The following C3orf62 variants were observed in gnomAD, a reference collection of about 807,000 sequenced individuals.
The protein encoded by C3orf62 is chromosome 3 open reading frame 62.
Under a neutral mutation model 21.7 loss-of-function variants are expected in C3orf62, and 16 were observed. The ratio of observed to expected loss-of-function variants is 0.74; its 90% confidence interval spans 0.50 to 1.12. C3orf62 has a LOEUF of 1.12. Among genes scored for constraint, C3orf62 ranks in the 50% most tolerant of loss-of-function variants. The pLI is 0.00. For synonymous variants in C3orf62, 114 were observed against 117.0 expected, an observed-to-expected ratio of 0.97 and a Z score of 0.17; for missense variants, 310 against 318.8, an observed-to-expected ratio of 0.97 and a Z score of 0.21.
intron 1 of C3orf62, among the ~76,000 whole-genome samples, chr3:49,275,537 T>G (rs909824123): frequency 7.8e-6 from 1 of 128,000 alleles, no homozygotes; most frequent in South Asian, 2.9e-4. Context: ...TTTTTTTTTT[T>G]TTTTTTTTTT....
In C3orf62 at chr3:49,276,757, T is replaced by C. The variant is rs1559460684; in HGVS notation, c.116A>G (p.Gln39Arg). The C allele has an allele frequency of 2.5e-6, 4 of 1,614,124 alleles. No homozygotes were observed. Among genetic ancestry groups the C allele is most frequent in the East Asian group, 2.2e-5 (1 of 44,898 alleles). Residue 39 changes from glutamine (Q) to arginine (R), a missense_variant, in exon 1 of 3, where the codon CAG becomes CGG. Transcript: ENST00000343010. Reference protein sequence around the residue: ...DRAFEGVSYSQECTGQQRLEL... With the variant: ...DRAFEGVSYSRECTGQQRLEL... ...CAGCCTCTGCTGGCCTGTGCACTCC[T>C]GGGAATAACTAACTCCTTCAAAGGC...
At chr3:49,271,860 T>G (rs1403346904) in intron 2 of C3orf62, among the ~76,000 whole-genome samples, 1 of 146,834 alleles carries the variant, frequency 6.8e-6, no homozygotes, top group East Asian at 2.0e-4. Context: ...AATAATAACT[T>G]GCGCCCAGGA....
chr3:49,272,131 G>C (rs764597673), intron 2 of C3orf62, among the ~76,000 whole-genome samples: 8 of 151,984 alleles, frequency 5.3e-5, no homozygotes, highest in Non-Finnish European at 1.0e-4. Context: ...TCATAACCTG[G>C]AGATCCTTCA....
chr3:49,269,587 A>G lies in C3orf62; in HGVS notation c.*1593T>C, dbSNP rs1348243756. The G allele has an allele frequency of 6.6e-6, 1 of 152,230 alleles. No homozygotes were observed. Among genetic ancestry groups the G allele is most frequent in the Non-Finnish European group, 1.5e-5 (1 of 68,046 alleles). 9.4% of individuals were successfully genotyped at this position (152,230 alleles called of 1,614,324 possible). A position where few individuals can be genotyped will look rare whatever the true frequency, so the allele number is the denominator to read the frequency against. ...GGAGAAGAAATTGGCCTCTGACTCC[A>G]CAGGCTGTGAATGCTTTGTGCTACC... On this transcript the variant is annotated 3_prime_UTR_variant, in exon 3 of 3. Transcript: ENST00000343010.
At position 49,276,512 on chromosome 3, in the gene C3orf62, A is replaced by G. The variant is rs1237154905; in HGVS notation, c.361T>C (p.Leu121=). The change falls in exon 1 of 3, where the codon TTG becomes CTG. Residue 121 remains leucine (L), a synonymous_variant. Transcript: ENST00000343010. ...RKPLTSKENV[L]MHSSILAPER... ...GGTGCCAAAATGGAGGAATGCATCA[A>G]TACATTTTCCTTGCTGGTTAGAGGT... 17 of 1,614,066 alleles carry G rather than the reference A, an allele frequency of 1.1e-5. No homozygotes were observed. The highest frequency in any genetic ancestry group is 1.4e-5 in the Non-Finnish European group (16 of 1,180,042).
At chr3:49,273,852 C>T (rs1445701023) in intron 2 of C3orf62, among the ~76,000 whole-genome samples, 197 bp downstream of exon 2, 3 of 152,124 alleles carry the variant, frequency 2.0e-5, no homozygotes, top group African/African-American at 7.2e-5. Context: ...GACGGGGTTT[C>T]ACCATATTGG....
At chr3:49,274,914 G>A (rs1339117355) in intron 1 of C3orf62, among the ~76,000 whole-genome samples, 1 of 152,012 alleles carries the variant, frequency 6.6e-6, no homozygotes, top group Non-Finnish European at 1.5e-5. Flanking sequence ...CCTTCTCCTG[G>A]GTTCAAGCGA....
Position 49,276,999 on chromosome 3 carries a change from A to C in C3orf62, c.-127T>G. ...CACAACCCTCGGGCTTTCCTCCTGG[A>C]GTAGGCGGTTCTCGGCTCTCGCGGA... On this transcript the variant is annotated 5_prime_UTR_variant, in exon 1 of 3. Transcript: ENST00000343010. The C allele has an allele frequency of 1.4e-6, 2 of 1,469,490 alleles. No homozygotes were observed. The highest frequency in any genetic ancestry group is 2.7e-5 in the South Asian group (2 of 73,476). 91.0% of individuals were successfully genotyped at this position (1,469,490 alleles called of 1,614,324 possible).
chr3:49,274,376 T>G (rs2046935426), intron 1 of C3orf62: 1 of 452,724 alleles, frequency 2.2e-6, no homozygotes, highest in Non-Finnish European at 4.0e-6. Context: ...TTTTTCTTTT[T>G]TAGAGACAGG....
chr3:49,270,364 CTT>C lies in C3orf62; in HGVS notation c.*814_*815del, dbSNP rs879389086. ...AGTTTCCTTTCTTCCCTTTTTTTTT[CTT>C]TTTTTTTTTGAGACAGGGTCTCACT... On this transcript the variant is annotated 3_prime_UTR_variant, in exon 3 of 3. Coordinates refer to ENST00000343010, the MANE Select transcript of C3orf62 (RefSeq NM_198562.3). 6.2e-5 allele frequency: 9 copies of C among 144,710 alleles called. No homozygotes were observed. The highest frequency in any genetic ancestry group is 7.6e-5 in the Non-Finnish European group (5 of 65,558). 9.0% of individuals were successfully genotyped at this position (144,710 alleles called of 1,614,324 possible).
At position 49,271,091 on chromosome 3, in the gene C3orf62, A is replaced by AT; in HGVS notation, c.*88dup. Reference sequence around the variant, plus strand: ...TCAGGTTCTGCCAACCTTTTGAGAAATGTGGCCCCTGACGGCCATTGTAGC... The same window carrying AT: ...TCAGGTTCTGCCAACCTTTTGAGAAATTGTGGCCCCTGACGGCCATTGTAGC... On this transcript the variant is annotated 3_prime_UTR_variant, in exon 3 of 3. Coordinates refer to ENST00000343010, the MANE Select transcript of C3orf62 (RefSeq NM_198562.3). 1.5e-6 allele frequency: 2 copies of AT among 1,331,588 alleles called. No homozygotes were observed. The highest frequency in any genetic ancestry group is 4.7e-5 in the East Asian group (2 of 42,872). The allele number at this position is 1,331,588 out of a possible 1,614,324, so 82.5% of individuals were successfully genotyped here.
intron 1 of C3orf62, 143 bp downstream of exon 1, chr3:49,276,280 ATGTC>A (rs1325744649): frequency 8.0e-5 from 57 of 713,674 alleles, no homozygotes; most frequent in Non-Finnish European, 1.2e-4. Flanking sequence ...ATTCTGAAGA[ATGTC>A]TGTCAACTCC....
At chr3:49,274,363 A>T (rs559745353) in intron 1 of C3orf62, 11 of 481,094 alleles carry the variant, frequency 2.3e-5, no homozygotes, top group Middle Eastern at 6.1e-4. Flanking sequence ...ACTGTATTAA[A>T]TTTTTTTCTT....
Position 49,276,494 on chromosome 3 carries a change from A to G in C3orf62, c.379T>C (p.Leu127=). 6.2e-7 allele frequency: 1 copy of G among 1,614,214 alleles called. No individual in the cohort carries two copies. The part of the protein sequence containing the change: ...KENVLMHSSI[L]APERESWRTA... ...CTCCAAGACTCTCTTTCAGGTGCCA[A>G]AATGGAGGAATGCATCAATACATTT... is the stretch of plus-strand genomic sequence containing the variant. Residue 127 remains leucine (L), a synonymous_variant, in exon 1 of 3, where the codon TTG becomes CTG. Coordinates refer to ENST00000343010, the MANE Select transcript of C3orf62 (RefSeq NM_198562.3).
chr3:49,274,818 G>A (rs187663190), intron 1 of C3orf62, among the ~76,000 whole-genome samples: 46 of 147,296 alleles, frequency 3.1e-4, no homozygotes, highest in East Asian at 2.7e-3. Flanking sequence ...GAACCACCGC[G>A]CCTGGCCTGT....
At chr3:49,274,304 T>C in intron 1 of C3orf62, 164 bp from the exon 2 acceptor site, 3 of 591,514 alleles carry the variant, frequency 5.1e-6, no homozygotes, top group Non-Finnish European at 9.0e-6. Context: ...GCTACATCAG[T>C]GGAGAAATTG....
Position 49,268,621 on chromosome 3 carries a change from A to G in C3orf62, c.*2559T>C, listed in dbSNP as rs2046895234. 6.6e-6 allele frequency: 1 copy of G among 152,194 alleles called. No homozygotes were observed. The highest frequency in any genetic ancestry group is 6.5e-5 in the Admixed American group (1 of 15,282). The allele number at this position is 152,194 out of a possible 1,614,324, so 9.4% of individuals were successfully genotyped here. ...TACATTAAACACTAGTTTTTATTCA[A>G]GTTTTATCAGTTTTTCCAATAATGT... is the stretch of plus-strand genomic sequence containing the variant. On this transcript the variant is annotated 3_prime_UTR_variant, in exon 3 of 3. Coordinates refer to ENST00000343010, the MANE Select transcript of C3orf62 (RefSeq NM_198562.3).
At chr3:49,275,674 G>A (rs917316462) in intron 1 of C3orf62, among the ~76,000 whole-genome samples, 14 of 150,188 alleles carry the variant, frequency 9.3e-5, no homozygotes, top group African/African-American at 2.0e-4. Flanking sequence ...GGGACTACAG[G>A]CGCCCGCCAC....
At position 49,271,212 on chromosome 3, in the gene C3orf62, C is replaced by T. The variant is rs2046909769; in HGVS notation, c.772G>A (p.Val258Met). ...ATTTGGTATTTAAAAGACGTCATCA[C>T]ATTGTAGTCCTCTTCCAAGTCCAGA... ...TVLDLEEDYN[V>M]MTSFKYQIE The change falls in exon 3 of 3, where the codon GTG becomes ATG. Residue 258 changes from valine to methionine, a missense_variant. Val to Met is a conservative substitution (Grantham distance 21, BLOSUM62 1). Transcript: ENST00000343010. 2 of 1,613,826 alleles carry T rather than the reference C, an allele frequency of 1.2e-6. No individual in the cohort carries two copies. Among genetic ancestry groups the T allele is most frequent in the African/African-American group, 1.3e-5 (1 of 75,034 alleles).
Sources: gnomAD v4.1 joint callset for allele counts (sites outside exome capture counted in the v4.1 genomes callset) on GRCh38, gnomAD v4.1.1 for gene constraint, MANE v1.5 for transcripts, NCBI Gene and HGNC (gene_info 2026-07-23, HGNC 2026-07-21) for gene names.